Variants in AGR2 observed in about 807,000 individuals in gnomAD.
AGR2 encodes anterior gradient 2, protein disulphide isomerase family member, also known as anterior gradient protein 2 homolog.
A neutral mutation model predicts 25.9 loss-of-function variants in AGR2; 27 were observed. The ratio of observed to expected loss-of-function variants is 1.04; its 90% CI spans 0.77 to 1.44. The LOEUF is 1.44. Ranked by LOEUF, AGR2 falls within the 40% of genes most tolerant of loss-of-function variation. AGR2 has a pLI of 0.00. For missense variants in AGR2, 182 were observed against 200.9 expected, an observed-to-expected ratio of 0.91 and a Z score of 0.57; for synonymous variants, 78 against 72.0, an observed-to-expected ratio of 1.08 and a Z score of -0.42.
In AGR2 at chr7:16,792,813, T is replaced by G. The variant is rs543437188; in HGVS notation, c.*95A>C. The G allele has an allele frequency of 2.9e-6, 3 of 1,049,988 alleles. No homozygotes were observed. In the African/African-American group the frequency reaches 4.7e-5, roughly 16 times the overall value. The allele number at this position is 1,049,988 out of a possible 1,614,324, so 65.0% of individuals were successfully genotyped here. A position where few individuals can be genotyped will look rare whatever the true frequency, so the allele number is the denominator to read the frequency against. Reference sequence around the variant, plus strand: ...ATTAAACCATAACCTAATCAGTGTGTTCACTATGCTTCCACACTAGCCAGT... The same window carrying G: ...ATTAAACCATAACCTAATCAGTGTGGTCACTATGCTTCCACACTAGCCAGT... On this transcript the variant is annotated 3_prime_UTR_variant, in exon 8 of 8. Coordinates refer to ENST00000419304, the MANE Select transcript of AGR2 (RefSeq NM_006408.4).
intron 7 of AGR2, 110 bp downstream of exon 7, chr7:16,794,826 G>A (rs149970376): frequency 8.1e-5 from 127 of 1,571,180 alleles, no homozygotes; most frequent in Admixed American, 4.5e-4. Context: ...AGTCCGAGGC[G>A]TCCCTAAGCC....
chr7:16,801,859 G>T (rs182294292), intron 1 of AGR2, 56 bp from the exon 2 acceptor site: 1 of 1,512,418 alleles, frequency 6.6e-7, no homozygotes, highest in Non-Finnish European at 9.0e-7. Flanking sequence ...CAGTCTTCAG[G>T]GTCTGCAGGT....
intron 7 of AGR2, 43 bp from the exon 8 acceptor site, chr7:16,793,000 G>T (rs192581998): frequency 6.4e-7 from 1 of 1,559,186 alleles, no homozygotes; most frequent in South Asian, 1.1e-5. Flanking sequence ...ACCATCGTGC[G>T]TTATATCGAT....
At chr7:16,801,603 G>A (rs752267344) in intron 2 of AGR2, 55 bp downstream of exon 2, 3 of 1,609,088 alleles carry the variant, frequency 1.9e-6, no homozygotes, top group East Asian at 2.2e-5. Flanking sequence ...CCAAGAGAGA[G>A]GAAATCTTTT....
intron 5 of AGR2, among the ~76,000 whole-genome samples, chr7:16,798,067 A>G (rs1785079400): frequency 6.6e-6 from 1 of 152,210 alleles, no homozygotes; most frequent in Non-Finnish European, 1.5e-5. Flanking sequence ...TCATTTATCC[A>G]TTTATCAATT....
intron 7 of AGR2, 120 bp downstream of exon 7, chr7:16,794,816 A>C (rs1785016050): frequency 6.4e-7 from 1 of 1,557,152 alleles, no homozygotes; most frequent in African/African-American, 1.4e-5. Context: ...GGTCAAACTG[A>C]GTCCGAGGCG....
chr7:16,802,548 T>TA, intron 1 of AGR2, among the ~76,000 whole-genome samples: 1 of 152,240 alleles, frequency 6.6e-6, no homozygotes. Flanking sequence ...CTATTGGAAG[T>TA]AAAAACCAGA....
rs1320949835 is a variant in AGR2, at chr7:16,797,697, A to G, written c.331-3T>C. 2 of 1,612,560 alleles carry G rather than the reference A, an allele frequency of 1.2e-6. No homozygotes were observed. The highest frequency in any genetic ancestry group is 1.7e-5 in the Admixed American group (1 of 59,804). On this transcript the variant is annotated splice_region_variant and splice_polypyrimidine_tract_variant and intron_variant, in intron 5 of 7. Transcript: ENST00000419304. ...AGGTGTTTGTCAGTTGTTTCATACTAAAATAAAAAGAAAAGCATCTTTTAG... is the reference window on the plus strand; with the variant it reads ...AGGTGTTTGTCAGTTGTTTCATACTGAAATAAAAAGAAAAGCATCTTTTAG...
chr7:16,797,186 C>T (rs1158644234), intron 6 of AGR2, among the ~76,000 whole-genome samples: 1 of 152,092 alleles, frequency 6.6e-6, no homozygotes, highest in Non-Finnish European at 1.5e-5. Flanking sequence ...CCTTGGCCTC[C>T]CAAAGTGCTA....
chr7:16,794,690 A>T, intron 7 of AGR2: 1 of 1,017,544 alleles, frequency 9.8e-7, no homozygotes, highest in Non-Finnish European at 1.4e-6. Flanking sequence ...GTGGTCATAG[A>T]ATCCTCCTAG....
At chr7:16,804,339 GTCT>G (rs1262528438) in intron 1 of AGR2, among the ~76,000 whole-genome samples, 1 of 151,684 alleles carries the variant, frequency 6.6e-6, no homozygotes, top group Non-Finnish European at 1.5e-5. Flanking sequence ...CCGTATCCCT[GTCT>G]TCTTGTCTTT....
At chr7:16,800,157 G>C (rs1785117392) in intron 4 of AGR2, among the ~76,000 whole-genome samples, 1 of 152,220 alleles carries the variant, frequency 6.6e-6, no homozygotes, top group Admixed American at 6.5e-5. Flanking sequence ...ATACTTGTGT[G>C]GGAGACAAAC....
chr7:16,793,923 C>A (rs1263029237), intron 7 of AGR2, among the ~76,000 whole-genome samples: 1 of 152,216 alleles, frequency 6.6e-6, no homozygotes, highest in African/African-American at 2.4e-5. Flanking sequence ...AGTGCCTGTT[C>A]TACAAGGGAT....
intron 7 of AGR2, 165 bp downstream of exon 7, chr7:16,794,771 G>A: frequency 6.7e-7 from 1 of 1,486,546 alleles, no homozygotes. Flanking sequence ...GAGATGGAAA[G>A]AGTGTGATTT....
Position 16,794,657 on chromosome 7 carries a change from AGAAAACCT to A in AGR2, c.478+271_478+278del, listed in dbSNP as rs1562525757. The A allele has an allele frequency of 4.7e-5, 33 of 704,466 alleles. No homozygotes were observed. The South Asian group carries it at 6.3e-4, about 13-fold the overall frequency. The allele number at this position is 704,466 out of a possible 1,614,324, so 43.6% of individuals were successfully genotyped here. ...AGGAGTGTGTGCTCGTGTACCTAAC[AGAAAACCT>A]GAAAATCAGGTAATGTGGTCATAGA... On this transcript the variant is annotated intron_variant, in intron 7 of 7. Transcript: ENST00000419304.
intron 7 of AGR2, 143 bp downstream of exon 7, chr7:16,794,793 C>G: frequency 2.0e-6 from 3 of 1,518,662 alleles, no homozygotes; most frequent in Non-Finnish European, 1.8e-6. Flanking sequence ...CCTGAAGATG[C>G]AAGGCTAGTT....
chr7:16,793,032 T>G, intron 7 of AGR2, 75 bp from the exon 8 acceptor site: 8 of 1,365,030 alleles, frequency 5.9e-6, no homozygotes, highest in Non-Finnish European at 8.3e-6. Context: ...CAAACTTGGA[T>G]GCTCAATTCA....
At chr7:16,795,117 T>C (rs2115352334) in intron 6 of AGR2, 98 bp from the exon 7 acceptor site, 1 of 1,276,646 alleles carries the variant, frequency 7.8e-7, no homozygotes, top group Non-Finnish European at 1.1e-6. Context: ...ATTCATGTCC[T>C]GTGAGGGAAT....
chr7:16,797,434 T>G (rs1785066293), intron 6 of AGR2, among the ~76,000 whole-genome samples, 197 bp downstream of exon 6: 1 of 152,122 alleles, frequency 6.6e-6, no homozygotes, highest in East Asian at 1.9e-4. Context: ...GAAAAGAAAG[T>G]GTTGTGTGGA....
Sources: gnomAD v4.1 joint callset for allele counts (sites outside exome capture counted in the v4.1 genomes callset) on GRCh38, gnomAD v4.1.1 for gene constraint, MANE v1.5 for transcripts, NCBI Gene and HGNC (gene_info 2026-07-23, HGNC 2026-07-21) for gene names.